Variants in PAFAH1B2 observed in about 807,000 individuals in gnomAD.
PAFAH1B2 encodes platelet activating factor acetylhydrolase 1b catalytic subunit 2.
Under a neutral mutation model 28.0 loss-of-function variants are expected in PAFAH1B2, and 8 were observed. That is an observed-to-expected ratio of 0.29 (90% CI 0.17 to 0.52). The LOEUF (loss-of-function observed/expected upper bound fraction) is 0.52, where lower values mean the gene tolerates loss of function less well. Among genes scored for constraint, PAFAH1B2 ranks in the 20% least tolerant of loss-of-function variants. The probability of loss-of-function intolerance (pLI) is 0.97; values close to 1 mark genes in which losing one functional copy is unlikely to be tolerated. For missense variants in PAFAH1B2, 190 were observed against 282.6 expected, an observed-to-expected ratio of 0.67 and a Z score of 2.35; for synonymous variants, 104 against 103.2, an observed-to-expected ratio of 1.01 and a Z score of -0.05.
chr11:117,165,716 T>TA (rs1956492613), intron 5 of PAFAH1B2, among the ~76,000 whole-genome samples: 1 of 151,832 alleles, frequency 6.6e-6, no homozygotes, highest in Admixed American at 6.6e-5. Context: ...TATAGAAAAA[T>TA]AAAGAGAATT....
chr11:117,161,052 A>G lies in PAFAH1B2; in HGVS notation c.172-93A>G, dbSNP rs73578677. On this transcript the variant is annotated intron_variant, in intron 3 of 5. Coordinates refer to ENST00000527958, the MANE Select transcript of PAFAH1B2 (RefSeq NM_002572.4). ...TTACAGTGTTATCTTTGAATACAGA[A>G]AAAGGAAATTAATGCCTTGCAACAC... is the stretch of plus-strand genomic sequence containing the variant. 220 of 803,802 alleles carry G rather than the reference A, an allele frequency of 2.7e-4. No individual in the cohort carries two copies. The African/African-American group carries it at 3.6e-3, about 13-fold the overall frequency. The allele number at this position is 803,802 out of a possible 1,614,324, so 49.8% of individuals were successfully genotyped here.
rs3057863 is a variant in PAFAH1B2 at position 117,163,672 on chromosome 11, C to CA, written c.289-80dup. The CA allele has an allele frequency of 7.0e-3, 7,421 of 1,062,534 alleles. 17 individuals carry two copies. The highest frequency in any genetic ancestry group is 0.03 in the African/African-American group (1,586 of 52,120). 65.8% of individuals were successfully genotyped at this position (1,062,534 alleles called of 1,614,324 possible). A position where few individuals can be genotyped will look rare whatever the true frequency, so the allele number is the denominator to read the frequency against. On this transcript the variant is annotated intron_variant, in intron 4 of 5. Coordinates refer to ENST00000527958, the MANE Select transcript of PAFAH1B2 (RefSeq NM_002572.4). ...TGGGTGATAGAGCGAGACCCCATCT[C>CA]AAAAAAAAAAAAAAAAAAGATTTTC... is the stretch of plus-strand genomic sequence containing the variant.
chr11:117,146,813 C>T (rs972459077), intron 1 of PAFAH1B2, among the ~76,000 whole-genome samples: 1 of 134,618 alleles, frequency 7.4e-6, no homozygotes, highest in African/African-American at 2.8e-5. Flanking sequence ...TCAGCCTGAA[C>T]AATATGGTGA....
At chr11:117,153,847 T>C (rs1231943836) in intron 2 of PAFAH1B2, among the ~76,000 whole-genome samples, 1 of 152,162 alleles carries the variant, frequency 6.6e-6, no homozygotes, top group Non-Finnish European at 1.5e-5. Context: ...TCATGAGATG[T>C]AATATTGATA....
chr11:117,175,129 G>A (rs556249775), downstream of PAFAH1B2: 26 of 1,227,994 alleles, frequency 2.1e-5, 1 homozygote, highest in South Asian at 6.0e-4. Context: ...AGTCAAATAA[G>A]CCTTATGGCC....
At chr11:117,171,650 T>A, downstream of PAFAH1B2, 1 of 1,465,430 alleles carries the variant, frequency 6.8e-7, no homozygotes, top group Non-Finnish European at 9.2e-7. Context: ...AAATACTCTA[T>A]CTCAGAGATA....
intron 1 of PAFAH1B2, among the ~76,000 whole-genome samples, chr11:117,148,774 C>T (rs113553973): frequency 0.013 from 2,017 of 152,062 alleles, 37 homozygotes; most frequent in African/African-American, 0.042. Context: ...ATAAAGAGAT[C>T]GTATAATTTA....
rs746125678 is a variant in PAFAH1B2, at chr11:117,149,430, G to GTTTTTTTTTTTTTTTTTTTTTTTTTTT, written c.-7-2997_-7-2996insTTTTTTTTTTTTTTTTTTTTTTTTTTT. On this transcript the variant is annotated intron_variant, in intron 1 of 5. Coordinates refer to ENST00000527958, the MANE Select transcript of PAFAH1B2 (RefSeq NM_002572.4). ...TTAATTTAAAAAAAGTTTTCTAATC[G>GTTTTTTTTTTTTTTTTTTTTTTTTTTT]TTTTTTTTTTTTTTGAGATGGAGTC... Among the ~76,000 whole-genome samples the GTTTTTTTTTTTTTTTTTTTTTTTTTTT allele has an allele frequency of 9.3e-5, 8 of 86,050 alleles. 2 individuals carry two copies. Among genetic ancestry groups the GTTTTTTTTTTTTTTTTTTTTTTTTTTT allele is most frequent in the African/African-American group, 1.9e-4 (4 of 21,568 alleles). 56.5% of individuals were successfully genotyped at this position (86,050 alleles called of 152,430 possible).
chr11:117,170,075 A>T lies in PAFAH1B2; in HGVS notation c.*2376A>T. ...ATTCTGCCCCATTACTGATGTGCAG[A>T]TATTGAGTTCACTTTCATTTTTTGC... On this transcript the variant is annotated 3_prime_UTR_variant, in exon 6 of 6. Transcript: ENST00000527958. 9.5e-7 allele frequency: 1 copy of T among 1,056,200 alleles called. No individual in the cohort carries two copies. Among genetic ancestry groups the T allele is most frequent in the Non-Finnish European group, 1.1e-6 (1 of 873,674 alleles). The allele number at this position is 1,056,200 out of a possible 1,614,324, so 65.4% of individuals were successfully genotyped here. A position where few individuals can be genotyped will look rare whatever the true frequency, so the allele number is the denominator to read the frequency against.
At chr11:117,152,059 A>G (rs1182816125) in intron 1 of PAFAH1B2, among the ~76,000 whole-genome samples, 1 of 152,202 alleles carries the variant, frequency 6.6e-6, no homozygotes, top group Non-Finnish European at 1.5e-5. Context: ...TTAACAGCTG[A>G]AAAGCCTCTG....
rs1468288480 is a variant in PAFAH1B2 at position 117,169,416 on chromosome 11, T to C, written c.*1717T>C. 2 of 1,052,814 alleles carry C rather than the reference T, an allele frequency of 1.9e-6. No individual in the cohort carries two copies. Among genetic ancestry groups the C allele is most frequent in the African/African-American group, 1.7e-5 (1 of 60,386 alleles). The allele number at this position is 1,052,814 out of a possible 1,614,324, so 65.2% of individuals were successfully genotyped here. On this transcript the variant is annotated 3_prime_UTR_variant, in exon 6 of 6. Transcript: ENST00000527958. ...ATTGAAGTAACCCATCAAAATATGC[T>C]CTGCAGTGATTCCGCTTAATGTTTA...
Position 117,170,843 on chromosome 11 carries a change from G to A in PAFAH1B2, c.*3144G>A. ...ATCCGTGTGGGTGCATGTGGGAGAA[G>A]TGAGTTAGGGCCTCTTGAAAGGAGG... On this transcript the variant is annotated 3_prime_UTR_variant, in exon 6 of 6. Coordinates refer to ENST00000527958, the MANE Select transcript of PAFAH1B2 (RefSeq NM_002572.4). 4 of 1,060,022 alleles carry A rather than the reference G, an allele frequency of 3.8e-6. No homozygotes were observed. The highest frequency in any genetic ancestry group is 4.6e-6 in the Non-Finnish European group (4 of 875,962). 65.7% of individuals were successfully genotyped at this position (1,060,022 alleles called of 1,614,324 possible). A position where few individuals can be genotyped will look rare whatever the true frequency, so the allele number is the denominator to read the frequency against.
At chr11:117,145,419 A>G (rs1441817111) in intron 1 of PAFAH1B2, among the ~76,000 whole-genome samples, 1 of 141,424 alleles carries the variant, frequency 7.1e-6, no homozygotes, top group Non-Finnish European at 1.5e-5. Flanking sequence ...CATTTTGTAC[A>G]GCTTGAAATT....
At chr11:117,177,404 AAGAT>A (rs2030042649), downstream of PAFAH1B2, among the ~76,000 whole-genome samples, 1 of 152,232 alleles carries the variant, frequency 6.6e-6, no homozygotes, top group Admixed American at 6.5e-5. Context: ...TTGTAATTCA[AAGAT>A]AACTACTGCT....
At position 117,168,418 on chromosome 11, in the gene PAFAH1B2, CT is replaced by C. The variant is rs1396092437; in HGVS notation, c.*722del. 9.9e-6 allele frequency: 10 copies of C among 1,005,392 alleles called. 1 individual carries two copies. Among genetic ancestry groups the C allele is most frequent in the Middle Eastern group, 9.1e-4 (2 of 2,202 alleles). The allele number at this position is 1,005,392 out of a possible 1,614,324, so 62.3% of individuals were successfully genotyped here. A position where few individuals can be genotyped will look rare whatever the true frequency, so the allele number is the denominator to read the frequency against. The stretch of plus-strand genomic sequence containing the variant: ...CCTCCTTATTCCCCTTCATGCCCCC[CT>C]TTCCCCTTCATTCCCCCCGCCACCC... On this transcript the variant is annotated 3_prime_UTR_variant, in exon 6 of 6. Transcript: ENST00000527958.
intron 1 of PAFAH1B2, among the ~76,000 whole-genome samples, chr11:117,148,358 T>G: frequency 6.6e-6 from 1 of 152,072 alleles, no homozygotes; most frequent in East Asian, 1.9e-4. Flanking sequence ...CCGGCCTCTA[T>G]GTAGTCTTTT....
At chr11:117,152,904 T>C (rs1002254592) in intron 2 of PAFAH1B2, among the ~76,000 whole-genome samples, 9 of 152,202 alleles carry the variant, frequency 5.9e-5, no homozygotes, top group African/African-American at 1.9e-4. Flanking sequence ...AACCCGTCTC[T>C]ACTAAAAATA....
chr11:117,170,519 G>C lies in PAFAH1B2; in HGVS notation c.*2820G>C. 9.5e-7 allele frequency: 1 copy of C among 1,054,094 alleles called. No individual in the cohort carries two copies. The allele number at this position is 1,054,094 out of a possible 1,614,324, so 65.3% of individuals were successfully genotyped here. On this transcript the variant is annotated 3_prime_UTR_variant, in exon 6 of 6. Coordinates refer to ENST00000527958, the MANE Select transcript of PAFAH1B2 (RefSeq NM_002572.4). The stretch of plus-strand genomic sequence containing the variant: ...TCTGGCTACCACCGTGAGGCTACTT[G>C]AACTGTCAGGGGCATCTGCCTAAAC...
chr11:117,153,302 C>T (rs1416130736), intron 2 of PAFAH1B2, among the ~76,000 whole-genome samples: 1 of 152,144 alleles, frequency 6.6e-6, no homozygotes, highest in Non-Finnish European at 1.5e-5. Flanking sequence ...GTATCTTCAT[C>T]TAGACTCACC....
Sources: gnomAD v4.1 joint callset for allele counts (sites outside exome capture counted in the v4.1 genomes callset) on GRCh38, gnomAD v4.1.1 for gene constraint, MANE v1.5 for transcripts, NCBI Gene and HGNC (gene_info 2026-07-23, HGNC 2026-07-21) for gene names.